Variants in ZNF491 observed in about 807,000 individuals in gnomAD.
ZNF491 encodes the protein zinc finger protein 491.
Under a neutral mutation model 34.7 loss-of-function variants are expected in ZNF491, and 22 were observed. That is an observed-to-expected ratio of 0.63 (90% CI 0.45 to 0.90). ZNF491 has a LOEUF of 0.90. Among genes scored for constraint, ZNF491 ranks in the 40% least tolerant of loss-of-function variants. The pLI, the probability that ZNF491 is intolerant of heterozygous loss-of-function variation, is 0.00. For missense variants in ZNF491, 559 were observed against 531.7 expected, an observed-to-expected ratio of 1.05 and a Z score of -0.51; for synonymous variants, 148 against 174.3, an observed-to-expected ratio of 0.85 and a Z score of 1.19.
chr19:11,802,500 T>C (rs1975568160), intron 1 of ZNF491, among the ~76,000 whole-genome samples: 1 of 152,240 alleles, frequency 6.6e-6, no homozygotes, highest in Non-Finnish European at 1.5e-5. Flanking sequence ...TTCTTAATTT[T>C]CATAAATCAC....
chr19:11,804,555 T>G lies in ZNF491; in HGVS notation c.-120T>G. 6 of 1,557,426 alleles carry G rather than the reference T, an allele frequency of 3.9e-6. No homozygotes were observed. The South Asian group carries it at 6.0e-5, about 15-fold the overall frequency. Reference sequence around the variant, plus strand: ...GAGATGTTTCAGGACCCAGTGGCCTTTGAGGATGTGGCTGTGAACTTCACC... The same window carrying G: ...GAGATGTTTCAGGACCCAGTGGCCTGTGAGGATGTGGCTGTGAACTTCACC... On this transcript the variant is annotated 5_prime_UTR_variant, in exon 2 of 3. Coordinates refer to ENST00000323169, the MANE Select transcript of ZNF491 (RefSeq NM_152356.4).
At chr19:11,800,992 G>T (rs1363480031) in intron 1 of ZNF491, among the ~76,000 whole-genome samples, 3 of 151,718 alleles carry the variant, frequency 2.0e-5, no homozygotes, top group Non-Finnish European at 4.4e-5. Flanking sequence ...GAGCCTTGAG[G>T]GCACCACTGC....
In ZNF491 at chr19:11,807,170, C is replaced by T. The variant is rs1452891441; in HGVS notation, c.1217C>T (p.Thr406Ile). The change falls in exon 3 of 3, where the codon ACT (threonine) becomes ATT (isoleucine). Residue 406 changes from threonine (T) to isoleucine (I), a missense_variant. Transcript: ENST00000323169. The stretch of plus-strand genomic sequence containing the variant: ...ATTAGAATACATGAAAGAATTCACA[C>T]TGGAGAGAAACCTTACCAATGTAAG... ...IYIRIHERIH[T>I]GEKPYQCKEC... 11 of 1,608,878 alleles carry T rather than the reference C, an allele frequency of 6.8e-6. No individual in the cohort carries two copies. The highest frequency in any genetic ancestry group is 6.8e-6 in the Non-Finnish European group (8 of 1,178,098).
At chr19:11,801,037 CA>C (rs1975553658) in intron 1 of ZNF491, among the ~76,000 whole-genome samples, 1 of 150,530 alleles carries the variant, frequency 6.6e-6, no homozygotes, top group South Asian at 2.1e-4. Context: ...AAATTTTCCT[CA>C]AAAAAACAAA....
chr19:11,804,203 A>AGAT (rs1975584535), intron 1 of ZNF491, among the ~76,000 whole-genome samples: 1 of 113,368 alleles, frequency 8.8e-6, no homozygotes, highest in Admixed American at 8.7e-5. Context: ...GCCCCATCTC[A>AGAT]GACAAAAAAA....
intron 2 of ZNF491, among the ~76,000 whole-genome samples, 173 bp from the exon 3 acceptor site, chr19:11,805,774 G>A (rs75767049): frequency 0.015 from 2,233 of 152,228 alleles, 50 homozygotes; most frequent in African/African-American, 0.047. Context: ...TTGAGCCCAG[G>A]CGGTGAAGGC....
chr19:11,799,679 C>T (rs286237), intron 1 of ZNF491, among the ~76,000 whole-genome samples: 76,334 of 151,610 alleles, frequency 0.5, 21,135 homozygotes, highest in African/African-American at 0.76. Context: ...CTCACGTCTA[C>T]AATCCCAGCA....
chr19:11,801,899 A>G (rs1174064931), intron 1 of ZNF491, among the ~76,000 whole-genome samples: 1 of 152,136 alleles, frequency 6.6e-6, no homozygotes, highest in Non-Finnish European at 1.5e-5. Context: ...GTATATATAT[A>G]TACATTTTCA....
rs1975608953 is a variant in ZNF491, at chr19:11,806,176, TATAAAC to T, written c.231_236del (p.His77_Lys78del). The stretch of plus-strand genomic sequence containing the variant: ...GTGTCAGAAATTTTTAGAGAAGCCA[TATAAAC>T]ATAAACAACGTAGGAAAGCCTTGAG... On this transcript the variant is annotated inframe_deletion, in exon 3 of 3. Transcript: ENST00000323169. 1.2e-6 allele frequency: 2 copies of T among 1,613,860 alleles called. No individual in the cohort carries two copies. The highest frequency in any genetic ancestry group is 3.3e-5 in the Admixed American group (2 of 59,994).
rs1975631873 is a variant in ZNF491, at chr19:11,807,485, T to A, written c.*218T>A. On this transcript the variant is annotated 3_prime_UTR_variant, in exon 3 of 3. Coordinates refer to ENST00000323169, the MANE Select transcript of ZNF491 (RefSeq NM_152356.4). ...TCGAAGGCAGACATGAGGAAGGCCT[T>A]AGTCACATTTTAGAGCCAGCCAAAT... 3 of 427,486 alleles carry A rather than the reference T, an allele frequency of 7.0e-6. No individual in the cohort carries two copies. In the South Asian group the frequency reaches 2.4e-4, roughly 34 times the overall value. The allele number at this position is 427,486 out of a possible 1,614,324, so 26.5% of individuals were successfully genotyped here. A position where few individuals can be genotyped will look rare whatever the true frequency, so the allele number is the denominator to read the frequency against.
chr19:11,801,711 G>A (rs1043994789), intron 1 of ZNF491, among the ~76,000 whole-genome samples: 2 of 152,100 alleles, frequency 1.3e-5, no homozygotes, highest in Non-Finnish European at 2.9e-5. Flanking sequence ...ACTAGCTCAA[G>A]CATTTTAAGT....
At chr19:11,804,184 C>A (rs1031284858) in intron 1 of ZNF491, among the ~76,000 whole-genome samples, 16 of 122,634 alleles carry the variant, frequency 1.3e-4, no homozygotes, top group African/African-American at 5.2e-4. Context: ...GCCTGGGTGA[C>A]AGAGTGAGGC....
At position 11,806,125 on chromosome 19, in the gene ZNF491, A is replaced by G; in HGVS notation, c.172A>G (p.Thr58Ala). The G allele has an allele frequency of 6.2e-7, 1 of 1,613,946 alleles. No individual in the cohort carries two copies. The highest frequency in any genetic ancestry group is 8.5e-7 in the Non-Finnish European group (1 of 1,180,018). The stretch of plus-strand genomic sequence containing the variant: ...TTCATCCTTTAATAGGAACATCAGA[A>G]CTGACACTGGACACCAACCACATAA... ...GYSSFNRNIRTDTGHQPHKCQ... is the reference protein window; with the variant it reads ...GYSSFNRNIRADTGHQPHKCQ... Residue 58 changes from threonine (T) to alanine (A), a missense_variant, in exon 3 of 3, where the codon ACT becomes GCT. By Grantham distance (58) the Thr-to-Ala change is moderately conservative. Coordinates refer to ENST00000323169, the MANE Select transcript of ZNF491 (RefSeq NM_152356.4).
chr19:11,806,026 A>G lies in ZNF491; in HGVS notation c.73A>G (p.Met25Val), dbSNP rs757021144. The G allele has an allele frequency of 1.9e-5, 31 of 1,613,656 alleles. No individual in the cohort carries two copies. In the South Asian group the frequency reaches 3.3e-4, roughly 17 times the overall value. Residue 25 changes from methionine (M) to valine (V), a missense_variant, in exon 3 of 3, where the codon ATG (methionine) becomes GTG (valine). Transcript: ENST00000323169. Reference sequence around the variant, plus strand: ...AACTTTCACCCAGGTTCCGGAAGACATGCTGAACAAGAAAACTCTTCCTGG... The same window carrying G: ...AACTTTCACCCAGGTTCCGGAAGACGTGCTGAACAAGAAAACTCTTCCTGG... ...GETFTQVPEDMLNKKTLPGVK... is the reference protein window; with the variant it reads ...GETFTQVPEDVLNKKTLPGVK...
chr19:11,804,321 T>G (rs965356891), intron 1 of ZNF491, among the ~76,000 whole-genome samples: 1 of 152,130 alleles, frequency 6.6e-6, no homozygotes, highest in Non-Finnish European at 1.5e-5. Context: ...GAAGGCTACA[T>G]TTTCCTATTC....
chr19:11,799,622 G>A (rs953995403), intron 1 of ZNF491, among the ~76,000 whole-genome samples: 2 of 151,404 alleles, frequency 1.3e-5, no homozygotes, highest in African/African-American at 4.9e-5. Context: ...GACCCCGTCT[G>A]TACAAAATAT....
intron 2 of ZNF491, among the ~76,000 whole-genome samples, chr19:11,805,270 G>A (rs746802113): frequency 2.0e-5 from 3 of 151,956 alleles, no homozygotes; most frequent in Non-Finnish European, 4.4e-5. Flanking sequence ...TTATCCAGGC[G>A]TGGTGGCACA....
At chr19:11,799,847 C>A (rs1975540123) in intron 1 of ZNF491, among the ~76,000 whole-genome samples, 1 of 151,854 alleles carries the variant, frequency 6.6e-6, no homozygotes. Context: ...GCAAGACAAT[C>A]GCTTGAACGC....
Position 11,806,196 on chromosome 19 carries a change from G to A in ZNF491, c.243G>A (p.Arg81=). The A allele has an allele frequency of 6.2e-7, 1 of 1,614,026 alleles. No homozygotes were observed. The highest frequency in any genetic ancestry group is 8.5e-7 in the Non-Finnish European group (1 of 1,180,016). The change falls in exon 3 of 3, where the codon AGG becomes AGA. Residue 81 remains arginine (R), a synonymous_variant. Coordinates refer to ENST00000323169, the MANE Select transcript of ZNF491 (RefSeq NM_152356.4). ...LEKPYKHKQR[R]KALSHSHCFR... is the part of the protein sequence containing the mutation. ...AGCCATATAAACATAAACAACGTAG[G>A]AAAGCCTTGAGCCATAGCCACTGCT...
Sources: allele counts gnomAD v4.1 joint callset (sites outside exome capture counted in the v4.1 genomes callset), GRCh38; gene constraint gnomAD v4.1.1; transcripts MANE v1.5; gene names NCBI Gene and HGNC (gene_info 2026-07-23, HGNC 2026-07-21).